ZNF79: variants seen among roughly 807,000 people sequenced by gnomAD.
The protein encoded by ZNF79 is ZNFpT7.
In ZNF79, 13 loss-of-function variants were observed where a neutral mutation model predicts 14.9. That is an observed-to-expected ratio of 0.87 (90% CI 0.57 to 1.38). The LOEUF is 1.38. ZNF79 is among the 40% of genes most tolerant of loss of function. The pLI is 0.00. For missense variants in ZNF79, 631 were observed against 630.6 expected, an observed-to-expected ratio of 1.00 and a Z score of -0.01; for synonymous variants, 223 against 235.1, an observed-to-expected ratio of 0.95 and a Z score of 0.47.
chr9:127,425,781 C>CG (rs1833742783), intron 1 of ZNF79, among the ~76,000 whole-genome samples: 1 of 152,144 alleles, frequency 6.6e-6, no homozygotes, highest in Non-Finnish European at 1.5e-5. Context: ...TTAGTAGAGA[C>CG]GGGGTTTCAC....
Position 127,444,573 on chromosome 9 carries a change from T to C in ZNF79, c.873T>C (p.Ala291=), listed in dbSNP as rs1215235244. 2 of 1,612,068 alleles carry C rather than the reference T, an allele frequency of 1.2e-6. No homozygotes were observed. The highest frequency in any genetic ancestry group is 1.7e-6 in the Non-Finnish European group (2 of 1,179,566). Reference sequence around the variant, plus strand: ...AGAAAGCCTTCAGTGACTGCTCAGCTCTTGTTCAGCATCAGAGAATTCATA... The same window carrying C: ...AGAAAGCCTTCAGTGACTGCTCAGCCCTTGTTCAGCATCAGAGAATTCATA... ...ECEKAFSDCS[A]LVQHQRIHTG... The change falls in exon 5 of 5, where the codon GCT becomes GCC. Residue 291 remains alanine, a synonymous_variant. Coordinates refer to ENST00000342483, the MANE Select transcript of ZNF79 (RefSeq NM_007135.3).
rs1833804027 is a variant in ZNF79, at chr9:127,428,651, C to T, written c.17-181C>T. 2.4e-6 allele frequency: 3 copies of T among 1,232,896 alleles called. No individual in the cohort carries two copies. The South Asian group carries it at 9.8e-5, about 40-fold the overall frequency. 76.4% of individuals were successfully genotyped at this position (1,232,896 alleles called of 1,614,324 possible). ...AGTCTGTGAACACTCTAATGCCTCC[C>T]TACATCTGAGTGAGTTGATGGAATT... On this transcript the variant is annotated intron_variant, in intron 1 of 4. Coordinates refer to ENST00000342483, the MANE Select transcript of ZNF79 (RefSeq NM_007135.3).
intron 4 of ZNF79, among the ~76,000 whole-genome samples, chr9:127,437,272 A>G (rs1025238351): frequency 2.7e-5 from 4 of 149,534 alleles, no homozygotes; most frequent in African/African-American, 4.9e-5. Flanking sequence ...GCCTGGCACT[A>G]CTCATGCTTG....
intron 4 of ZNF79, among the ~76,000 whole-genome samples, chr9:127,438,058 C>T (rs949414898): frequency 6.6e-6 from 1 of 152,018 alleles, no homozygotes; most frequent in African/African-American, 2.4e-5. Flanking sequence ...TGTGGGTGCC[C>T]CTGAGCGGAA....
intron 4 of ZNF79, among the ~76,000 whole-genome samples, chr9:127,441,621 G>A (rs1002045817): frequency 1.3e-5 from 2 of 150,524 alleles, no homozygotes; most frequent in Non-Finnish European, 3.0e-5. Context: ...AGACCAGCCT[G>A]ACCAACATGT....
chr9:127,439,676 G>T (rs907441587), intron 4 of ZNF79, among the ~76,000 whole-genome samples: 8 of 152,130 alleles, frequency 5.3e-5, no homozygotes, highest in Admixed American at 3.3e-4. Context: ...GACCCTGCTG[G>T]CCAGTTCTAC....
intron 4 of ZNF79, among the ~76,000 whole-genome samples, chr9:127,438,311 G>T (rs1183890347): frequency 6.6e-6 from 1 of 152,154 alleles, no homozygotes; most frequent in Non-Finnish European, 1.5e-5. Flanking sequence ...CCCCCCTTTG[G>T]ATTACATTAA....
Position 127,444,488 on chromosome 9 carries a change from A to G in ZNF79, c.788A>G (p.Asn263Ser), listed in dbSNP as rs148968211. Residue 263 changes from asparagine (N) to serine (S), a missense_variant, in exon 5 of 5, where the codon AAC (asparagine) becomes AGC (serine). Asn to Ser is a conservative substitution (Grantham distance 46, BLOSUM62 1). Coordinates refer to ENST00000342483, the MANE Select transcript of ZNF79 (RefSeq NM_007135.3). ...ECGRAFSQNA[N>S]LTKHQRTHTG... ...GGAAGAGCCTTCAGCCAGAACGCCA[A>G]CCTCACCAAACACCAGCGAACCCAC... 68 of 1,610,484 alleles carry G rather than the reference A, an allele frequency of 4.2e-5. No individual in the cohort carries two copies. The highest frequency in any genetic ancestry group is 5.5e-5 in the South Asian group (5 of 90,946).
At chr9:127,433,499 T>C (rs1011583600) in intron 2 of ZNF79, among the ~76,000 whole-genome samples, 9 of 152,208 alleles carry the variant, frequency 5.9e-5, no homozygotes, top group African/African-American at 1.7e-4. Context: ...TGTTATCTCC[T>C]GATTCATTTC....
At chr9:127,436,372 G>T (rs1428147078) in intron 4 of ZNF79, among the ~76,000 whole-genome samples, 2 of 152,144 alleles carry the variant, frequency 1.3e-5, no homozygotes, top group African/African-American at 4.8e-5. Context: ...CCCTGCTTGG[G>T]GTCTCCCTCA....
At chr9:127,428,963 C>G (rs375093261) in intron 2 of ZNF79, 43 bp downstream of exon 2, 15 of 1,335,836 alleles carry the variant, frequency 1.1e-5, no homozygotes, top group Middle Eastern at 1.9e-4. Flanking sequence ...TTTCTTCCCC[C>G]CTAATACTAA....
chr9:127,440,036 G>A (rs1245188672), intron 4 of ZNF79, among the ~76,000 whole-genome samples: 1 of 151,924 alleles, frequency 6.6e-6, no homozygotes, highest in Non-Finnish European at 1.5e-5. Flanking sequence ...CTAATTTTTT[G>A]GATTTTTAGT....
At chr9:127,443,326 G>T (rs1042747786) in intron 4 of ZNF79, among the ~76,000 whole-genome samples, 4 of 152,032 alleles carry the variant, frequency 2.6e-5, no homozygotes, top group African/African-American at 9.7e-5. Context: ...GAGGTGGCAG[G>T]ATTGCTTGAG....
intron 2 of ZNF79, 27 bp from the exon 3 acceptor site, chr9:127,435,063 C>A: frequency 6.3e-7 from 1 of 1,595,676 alleles, no homozygotes; most frequent in Non-Finnish European, 8.5e-7. Context: ...AGGCCACTGG[C>A]AAGATGAAAT....
intron 4 of ZNF79, among the ~76,000 whole-genome samples, chr9:127,441,610 G>A (rs1446701960): frequency 2.7e-5 from 4 of 149,942 alleles, no homozygotes; most frequent in African/African-American, 9.8e-5. Flanking sequence ...TCAGGAGTTC[G>A]AGACCAGCCT....
intron 2 of ZNF79, among the ~76,000 whole-genome samples, chr9:127,434,240 G>T (rs965134289): frequency 6.6e-6 from 1 of 151,816 alleles, no homozygotes; most frequent in African/African-American, 2.4e-5. Context: ...TCTCTCTGTG[G>T]TCCTCCCTCC....
Position 127,444,839 on chromosome 9 carries a change from A to C in ZNF79, c.1139A>C (p.Gln380Pro). The C allele has an allele frequency of 6.2e-7, 1 of 1,613,906 alleles. No homozygotes were observed. The highest frequency in any genetic ancestry group is 8.5e-7 in the Non-Finnish European group (1 of 1,179,874). Residue 380 changes from glutamine to proline, a missense_variant, in exon 5 of 5, where the codon CAG becomes CCG. Physicochemically the swap from Gln to Pro is moderately conservative, Grantham distance 76 (BLOSUM62 -1). Coordinates refer to ENST00000342483, the MANE Select transcript of ZNF79 (RefSeq NM_007135.3). Reference protein sequence around the residue: ...FSQSANLTNHQRTHTGEKPYK... With the variant: ...FSQSANLTNHPRTHTGEKPYK... Reference sequence around the variant, plus strand: ...CAGAGTGCAAACCTCACAAACCATCAGAGGACTCACACTGGGGAGAAACCC... The same window carrying C: ...CAGAGTGCAAACCTCACAAACCATCCGAGGACTCACACTGGGGAGAAACCC...
At position 127,424,405 on chromosome 9, in the gene ZNF79, T is replaced by C. The variant is rs1394045784; in HGVS notation, c.-383T>C. On this transcript the variant is annotated 5_prime_UTR_variant, in exon 1 of 5. Transcript: ENST00000342483. Reference sequence around the variant, plus strand: ...CCAATCAGGCGCGTCCCTCTGGCGCTGGAGCCAGGACCTGGCGTTGGGCGG... The same window carrying C: ...CCAATCAGGCGCGTCCCTCTGGCGCCGGAGCCAGGACCTGGCGTTGGGCGG... The C allele has an allele frequency of 9.8e-6, 2 of 204,326 alleles. No homozygotes were observed. The highest frequency in any genetic ancestry group is 1.0e-5 in the Non-Finnish European group (1 of 99,046). The allele number at this position is 204,326 out of a possible 1,614,324, so 12.7% of individuals were successfully genotyped here.
chr9:127,434,731 C>T (rs1429376457), intron 2 of ZNF79, among the ~76,000 whole-genome samples: 1 of 152,176 alleles, frequency 6.6e-6, no homozygotes, highest in Non-Finnish European at 1.5e-5. Context: ...TCACTGCAAC[C>T]TCTGCCTCCC....
Sources: allele counts gnomAD v4.1 joint callset (sites outside exome capture counted in the v4.1 genomes callset), GRCh38; gene constraint gnomAD v4.1.1; transcripts MANE v1.5; gene names NCBI Gene and HGNC (gene_info 2026-07-23, HGNC 2026-07-21).